ANTXR2: variants seen among roughly 807,000 people sequenced by gnomAD.
The protein encoded by ANTXR2 is anthrax toxin receptor 2.
Under a neutral mutation model 73.7 loss-of-function variants are expected in ANTXR2, and 44 were observed. The observed-to-expected ratio is 0.60, with a 90% CI of 0.47 to 0.77. The LOEUF (loss-of-function observed/expected upper bound fraction) is 0.77. Ranked by LOEUF, ANTXR2 falls within the 30% of genes least tolerant of loss-of-function variation. ANTXR2 has a pLI of 0.00. For missense variants in ANTXR2, 604 were observed against 592.5 expected (o/e 1.02, Z -0.20); for synonymous variants, 217 against 205.9 (o/e 1.05, Z -0.46).
intron 14 of ANTXR2, among the ~76,000 whole-genome samples, chr4:79,979,103 T>C (rs920737608): frequency 6.6e-6 from 1 of 152,184 alleles, no homozygotes; most frequent in African/African-American, 2.4e-5. Flanking sequence ...ATTCTTGACA[T>C]TGAAAAACCA....
chr4:79,992,898 T>C (rs904800525), intron 12 of ANTXR2, among the ~76,000 whole-genome samples: 3 of 152,042 alleles, frequency 2.0e-5, no homozygotes, highest in Non-Finnish European at 2.9e-5. Context: ...CAAATGACTT[T>C]ACCAAATCAT....
At chr4:79,985,774 T>A (rs1210042661) in intron 12 of ANTXR2, among the ~76,000 whole-genome samples, 1 of 151,332 alleles carries the variant, frequency 6.6e-6, no homozygotes, top group Non-Finnish European at 1.5e-5. Flanking sequence ...TTGTAACAAA[T>A]CAGCTTCTTA....
chr4:80,066,376 T>C (rs887797636), intron 3 of ANTXR2, among the ~76,000 whole-genome samples: 2 of 152,190 alleles, frequency 1.3e-5, no homozygotes, highest in South Asian at 4.1e-4. Context: ...TTCTCAGTGT[T>C]ATTTTCTGCC....
At chr4:79,973,079 GAT>G (rs1298260947) in intron 16 of ANTXR2, among the ~76,000 whole-genome samples, 1 of 151,924 alleles carries the variant, frequency 6.6e-6, no homozygotes, top group African/African-American at 2.4e-5. Context: ...AAGAAACAAA[GAT>G]AAAAGAAGAA....
chr4:79,929,192 T>C (rs1386740479), intron 16 of ANTXR2, among the ~76,000 whole-genome samples: 1 of 151,870 alleles, frequency 6.6e-6, no homozygotes, highest in Non-Finnish European at 1.5e-5. Context: ...GGCCATAAAA[T>C]ATAAAAAAAT....
chr4:79,929,343 T>C (rs922702611), intron 16 of ANTXR2, among the ~76,000 whole-genome samples: 7 of 152,034 alleles, frequency 4.6e-5, no homozygotes, highest in Non-Finnish European at 1.5e-5. Flanking sequence ...CAAAACCCCA[T>C]CTCTACTAAA....
intron 16 of ANTXR2, among the ~76,000 whole-genome samples, chr4:79,973,805 G>T (rs1729525271): frequency 6.6e-6 from 1 of 152,168 alleles, no homozygotes; most frequent in Non-Finnish European, 1.5e-5. Flanking sequence ...GGGGATGGGG[G>T]TGAAGATTTC....
intron 16 of ANTXR2, among the ~76,000 whole-genome samples, chr4:79,973,723 C>A (rs34710933): frequency 6.6e-6 from 1 of 152,114 alleles, no homozygotes; most frequent in Non-Finnish European, 1.5e-5. Flanking sequence ...GCCACCACAC[C>A]TGGCCACATT....
chr4:79,983,789 T>C, intron 14 of ANTXR2, 89 bp downstream of exon 14: 1 of 984,870 alleles, frequency 1.0e-6, no homozygotes, highest in South Asian at 1.4e-5. Context: ...ATTATAATAT[T>C]GAATTGTGAA....
chr4:80,021,585 A>G (rs56077043), intron 10 of ANTXR2, among the ~76,000 whole-genome samples: 14,328 of 152,236 alleles, frequency 0.094, 769 homozygotes, highest in Middle Eastern at 0.23. Flanking sequence ...CAAGTTCTCT[A>G]ATTAATGAAG....
intron 7 of ANTXR2, among the ~76,000 whole-genome samples, chr4:80,041,876 C>T (rs1037406102): frequency 9.2e-5 from 14 of 152,020 alleles, no homozygotes; most frequent in African/African-American, 3.4e-4. Flanking sequence ...CATTGATGGG[C>T]AACTGGGTTG....
rs561296822 is a variant in ANTXR2 at position 79,986,453 on chromosome 4, T to C, written c.1042-1590A>G. On this transcript the variant is annotated intron_variant, in intron 12 of 16. Coordinates refer to ENST00000403729, the MANE Select transcript of ANTXR2 (RefSeq NM_058172.6). ...TGGATATATATTTAAAGACTGTTTG[T>C]CTTTTAAAGGTATGTACAAATATTT... is the stretch of plus-strand genomic sequence containing the variant. Among the ~76,000 whole-genome samples, 13 of 152,328 alleles carry C rather than the reference T, an allele frequency of 8.5e-5. No homozygotes were observed. The East Asian group carries it at 2.5e-3, about 29-fold the overall frequency.
intron 16 of ANTXR2, among the ~76,000 whole-genome samples, chr4:79,974,447 G>C (rs1381035252): frequency 5.9e-5 from 9 of 152,016 alleles, no homozygotes; most frequent in African/African-American, 2.2e-4. Context: ...GGAAAAAGTG[G>C]GGTTTTAGTT....
At chr4:79,912,979 C>A (rs1727207417) in intron 16 of ANTXR2, among the ~76,000 whole-genome samples, 1 of 152,158 alleles carries the variant, frequency 6.6e-6, no homozygotes, top group Non-Finnish European at 1.5e-5. Flanking sequence ...CTATGTTTTA[C>A]CTTTTCTGCA....
In ANTXR2 at chr4:80,004,418, C is replaced by G. The variant is rs1027609477; in HGVS notation, c.1041+4103G>C. On this transcript the variant is annotated intron_variant, in intron 12 of 16. Coordinates refer to ENST00000403729, the MANE Select transcript of ANTXR2 (RefSeq NM_058172.6). Reference sequence around the variant, plus strand: ...AAACCACAGAAACTTTTTTTTTATACTTCTGGAAGTCTGGAGTCTGAAGTG... The same window carrying G: ...AAACCACAGAAACTTTTTTTTTATAGTTCTGGAAGTCTGGAGTCTGAAGTG... 5.3e-5 allele frequency among the ~76,000 whole-genome samples: 8 copies of G among 151,708 alleles called. No homozygotes were observed. The East Asian group carries it at 1.6e-3, about 29-fold the overall frequency.
intron 7 of ANTXR2, among the ~76,000 whole-genome samples, chr4:80,051,398 T>C (rs1042351327): frequency 1.3e-5 from 2 of 151,552 alleles, no homozygotes; most frequent in African/African-American, 2.4e-5. Flanking sequence ...CATAACACAA[T>C]GCCTTAAGAA....
rs1032132030 is a variant in ANTXR2 at position 80,049,894 on chromosome 4, C to G, written c.636+4378G>C. 2.8e-4 allele frequency among the ~76,000 whole-genome samples: 43 copies of G among 151,710 alleles called. 1 individual carries two copies. The highest frequency in any genetic ancestry group is 2.6e-3 in the Admixed American group (40 of 15,170). ...ATTTGACAGCTAATATTTGCCATGTCTCTCGGAGCCCAGCTCAACAAGAGT... is the reference window on the plus strand; with the variant it reads ...ATTTGACAGCTAATATTTGCCATGTGTCTCGGAGCCCAGCTCAACAAGAGT... On this transcript the variant is annotated intron_variant, in intron 7 of 16. Transcript: ENST00000403729.
chr4:79,961,202 A>G (rs1219314197), intron 16 of ANTXR2, among the ~76,000 whole-genome samples: 1 of 151,992 alleles, frequency 6.6e-6, no homozygotes, highest in East Asian at 1.9e-4. Flanking sequence ...ATTATTAGAA[A>G]TTATAGTAAT....
chr4:79,987,301 G>A (rs907048628), intron 12 of ANTXR2, among the ~76,000 whole-genome samples: 13 of 151,262 alleles, frequency 8.6e-5, no homozygotes, highest in Non-Finnish European at 1.8e-4. Flanking sequence ...TTGAACTTCC[G>A]GAAATTAAAA....
Sources: gnomAD v4.1 joint callset for allele counts (sites outside exome capture counted in the v4.1 genomes callset) on GRCh38, gnomAD v4.1.1 for gene constraint, MANE v1.5 for transcripts, NCBI Gene and HGNC (gene_info 2026-07-23, HGNC 2026-07-21) for gene names.